Variants in PKIB observed in about 807,000 individuals in gnomAD.
PKIB encodes the protein PKI-beta.
A neutral mutation model predicts 4.5 loss-of-function variants in PKIB; 2 were observed. That is an observed-to-expected ratio of 0.44 (90% confidence interval 0.18 to 1.39). The LOEUF (loss-of-function observed/expected upper bound fraction) is 1.39. Among genes scored for constraint, PKIB ranks in the 40% most tolerant of loss-of-function variants. PKIB has a pLI of 0.27. For synonymous variants in PKIB, 38 were observed against 36.0 expected (o/e 1.06, Z -0.20); for missense variants, 94 against 92.6 (o/e 1.02, Z -0.06).
intron 4 of PKIB, among the ~76,000 whole-genome samples, chr6:122,724,595 G>A (rs189659658): frequency 1.6e-3 from 238 of 152,290 alleles, no homozygotes; most frequent in African/African-American, 5.5e-3. Flanking sequence ...CACAGATCAC[G>A]GGGAGTTTTA....
intron 3 of PKIB, among the ~76,000 whole-genome samples, chr6:122,598,663 C>T (rs1774252223): frequency 6.6e-6 from 1 of 152,108 alleles, no homozygotes; most frequent in Admixed American, 6.6e-5. Context: ...GTGACTAATC[C>T]ACTCCACCAT....
rs148830484 is a variant in PKIB, at chr6:122,685,617, G to A, written c.-9+10473G>A. 1.2e-3 allele frequency among the ~76,000 whole-genome samples: 181 copies of A among 152,100 alleles called. 4 individuals are homozygous for A. In the East Asian group the frequency reaches 0.019, roughly 16 times the overall value. ...ACAGGCATGCATCAGGGTAAATGGG[G>A]CATCCATTACCTCAAACATTTATCC... On this transcript the variant is annotated intron_variant, in intron 3 of 4. Coordinates refer to ENST00000368452, the MANE Select transcript of PKIB (RefSeq NM_181795.3).
At chr6:122,528,131 T>C (rs1222437630) in intron 2 of PKIB, among the ~76,000 whole-genome samples, 1 of 152,196 alleles carries the variant, frequency 6.6e-6, no homozygotes, top group African/African-American at 2.4e-5. Flanking sequence ...AATGCCCTTC[T>C]TAGTCTCTTA....
At chr6:122,471,959 C>T (rs947534126) in exon 1 of PKIB, 21 of 1,085,294 alleles carry the variant, frequency 1.9e-5, no homozygotes, top group Non-Finnish European at 2.7e-5. Flanking sequence ...TGTCTTCTTT[C>T]CTGGAGAATT....
chr6:122,676,978 T>C (rs1260143573), intron 3 of PKIB, among the ~76,000 whole-genome samples: 2 of 152,234 alleles, frequency 1.3e-5, no homozygotes, highest in African/African-American at 2.4e-5. Context: ...CTGTCTTTAC[T>C]ACATTGTTTT....
At chr6:122,509,841 G>A (rs935054151) in intron 2 of PKIB, among the ~76,000 whole-genome samples, 2 of 151,966 alleles carry the variant, frequency 1.3e-5, no homozygotes, top group Non-Finnish European at 2.9e-5. Context: ...TTGGGTAGTG[G>A]GAAGTAGGGA....
At chr6:122,497,669 A>C (rs765386675) in intron 2 of PKIB, among the ~76,000 whole-genome samples, 1 of 152,240 alleles carries the variant, frequency 6.6e-6, no homozygotes, top group Non-Finnish European at 1.5e-5. Flanking sequence ...AGACTGAACT[A>C]TCCTAAATAT....
At chr6:122,701,526 T>C in intron 3 of PKIB, 1 of 1,590,502 alleles carries the variant, frequency 6.3e-7, no homozygotes, top group Non-Finnish European at 8.6e-7. Flanking sequence ...ATTTTCTTCT[T>C]GGGGACAAGA....
intron 3 of PKIB, among the ~76,000 whole-genome samples, chr6:122,676,363 C>G (rs1777672921): frequency 6.6e-6 from 1 of 152,114 alleles, no homozygotes; most frequent in Admixed American, 6.5e-5. Flanking sequence ...GCTTGCTCAC[C>G]TGTTGCTCAC....
chr6:122,678,775 G>A (rs2114967228), intron 3 of PKIB, among the ~76,000 whole-genome samples: 2 of 152,302 alleles, frequency 1.3e-5, no homozygotes, highest in South Asian at 4.2e-4. Flanking sequence ...CACTTACTAG[G>A]AGAGTCAAAG....
At chr6:122,518,783 A>G (rs1000826709) in intron 2 of PKIB, among the ~76,000 whole-genome samples, 2 of 152,144 alleles carry the variant, frequency 1.3e-5, no homozygotes, top group Non-Finnish European at 2.9e-5. Flanking sequence ...CATTAAGACA[A>G]ATATATTTTA....
chr6:122,597,298 GA>G (rs1157769621), intron 3 of PKIB, among the ~76,000 whole-genome samples: 7 of 152,210 alleles, frequency 4.6e-5, no homozygotes, highest in African/African-American at 1.7e-4. Context: ...CTGGAGAGTT[GA>G]TATAGCCCTA....
chr6:122,590,482 A>G (rs1374340352), intron 3 of PKIB, among the ~76,000 whole-genome samples: 3 of 152,200 alleles, frequency 2.0e-5, no homozygotes, highest in Non-Finnish European at 4.4e-5. Context: ...AAATGAAGTA[A>G]TAAAAGAAAA....
intron 2 of PKIB, among the ~76,000 whole-genome samples, chr6:122,521,247 T>C (rs1776937341): frequency 6.6e-6 from 1 of 152,192 alleles, no homozygotes; most frequent in Non-Finnish European, 1.5e-5. Flanking sequence ...GGTGCAAGTT[T>C]GGCTTTGGGA....
At chr6:122,651,942 A>G (rs1776571429) in intron 2 of PKIB, among the ~76,000 whole-genome samples, 1 of 152,110 alleles carries the variant, frequency 6.6e-6, no homozygotes, top group South Asian at 2.1e-4. Context: ...CCTTTTACAA[A>G]TATTTGATTA....
chr6:122,525,318 G>T (rs9490469), intron 2 of PKIB, among the ~76,000 whole-genome samples: 4 of 152,008 alleles, frequency 2.6e-5, no homozygotes, highest in Non-Finnish European at 4.4e-5. Context: ...AAAATACTTT[G>T]TATGATTTCA....
chr6:122,712,309 G>A (rs1458885617), intron 3 of PKIB, among the ~76,000 whole-genome samples: 2 of 152,172 alleles, frequency 1.3e-5, no homozygotes, highest in Non-Finnish European at 2.9e-5. Context: ...CTCAAGAGAT[G>A]ACTGAATGAA....
At chr6:122,664,897 C>A (rs1241087569) in intron 2 of PKIB, among the ~76,000 whole-genome samples, 1 of 151,916 alleles carries the variant, frequency 6.6e-6, no homozygotes, top group Non-Finnish European at 1.5e-5. Flanking sequence ...AAAAATAAAC[C>A]TTTGTAAAAA....
At chr6:122,614,733 CAGA>C (rs1396946878) in intron 1 of PKIB, among the ~76,000 whole-genome samples, 3 of 152,016 alleles carry the variant, frequency 2.0e-5, no homozygotes, top group Admixed American at 6.6e-5. Context: ...TAATACATCT[CAGA>C]AGAAGAAAAC....
Sources: gnomAD v4.1 joint callset for allele counts (sites outside exome capture counted in the v4.1 genomes callset) on GRCh38, gnomAD v4.1.1 for gene constraint, MANE v1.5 for transcripts, NCBI Gene and HGNC (gene_info 2026-07-23, HGNC 2026-07-21) for gene names.